The following NRXN3 variants were observed in gnomAD, a reference collection of about 807,000 sequenced individuals.
NRXN3 encodes neurexin III.
A neutral mutation model predicts 137.6 loss-of-function variants in NRXN3; 32 were observed. That is an observed-to-expected ratio of 0.23 (90% CI 0.18 to 0.31). The LOEUF (loss-of-function observed/expected upper bound fraction) is 0.31. Ranked by LOEUF, NRXN3 falls within the 10% of genes least tolerant of loss-of-function variation. The probability of loss-of-function intolerance (pLI) is 1.00; values close to 1 mark genes in which losing one functional copy is unlikely to be tolerated. For missense variants in NRXN3, 1,574 were observed against 2,062.5 expected, an observed-to-expected ratio of 0.76 and a Z score of 4.59; for synonymous variants, 798 against 784.5, an observed-to-expected ratio of 1.02 and a Z score of -0.29.
chr14:79,348,109 TCCATCATTGTTAACAGAG>T, intron 15 of NRXN3, among the ~76,000 whole-genome samples: 1 of 152,158 alleles, frequency 6.6e-6, no homozygotes, highest in East Asian at 1.9e-4. Context: ...CCGCAGTATT[TCCATCATTGTTAACAGAG>T]CCACAAGTTT....
intron 4 of NRXN3, among the ~76,000 whole-genome samples, chr14:78,624,829 G>GTGTTTGTT (rs1555404275): frequency 2.7e-5 from 4 of 146,992 alleles, no homozygotes; most frequent in African/African-American, 1.0e-4. Flanking sequence ...GTGTGTGTGT[G>GTGTTTGTT]TGTTTGTTTG....
intron 1 of NRXN3, among the ~76,000 whole-genome samples, chr14:78,189,861 A>G (rs568101419): frequency 4.6e-5 from 7 of 152,162 alleles, no homozygotes; most frequent in Non-Finnish European, 8.8e-5. Flanking sequence ...AGGTCTGTGC[A>G]TAGATGAGCC....
At chr14:78,482,963 G>T (rs1335173456) in intron 4 of NRXN3, among the ~76,000 whole-genome samples, 1 of 152,126 alleles carries the variant, frequency 6.6e-6, no homozygotes, top group African/African-American at 2.4e-5. Flanking sequence ...TCTTTGATGT[G>T]TTCTAGTACC....
chr14:79,326,427 G>GA (rs2090885021), intron 15 of NRXN3, among the ~76,000 whole-genome samples: 1 of 152,280 alleles, frequency 6.6e-6, no homozygotes, highest in African/African-American at 2.4e-5. Flanking sequence ...AGCAAGGCTA[G>GA]AAAAATTGGT....
chr14:78,666,674 C>G (rs770018034), intron 6 of NRXN3, among the ~76,000 whole-genome samples: 11 of 152,154 alleles, frequency 7.2e-5, no homozygotes, highest in Non-Finnish European at 1.5e-4. Flanking sequence ...TCATCTCTGT[C>G]CTCTGCTTCC....
chr14:79,358,603 GAAAGAGAAAGAAAGAAAGAAAGAA>G (rs2093535755), intron 15 of NRXN3, among the ~76,000 whole-genome samples: 3 of 87,090 alleles, frequency 3.4e-5, no homozygotes, highest in East Asian at 7.7e-4. Context: ...AAGAAAGAAA[GAAAGAGAAAGAAAGAAAGAAAGAA>G]AGAAAGAAAG....
intron 10 of NRXN3, among the ~76,000 whole-genome samples, chr14:78,951,939 A>G (rs1384264550): frequency 2.0e-5 from 3 of 152,306 alleles, no homozygotes; most frequent in African/African-American, 7.2e-5. Flanking sequence ...GGCAGTCTCA[A>G]TGGTATGTTT....
At chr14:79,858,881 A>C (rs955132533) in intron 20 of NRXN3, among the ~76,000 whole-genome samples, 9 of 152,052 alleles carry the variant, frequency 5.9e-5, no homozygotes, top group African/African-American at 2.2e-4. Flanking sequence ...CCTTTAGGGA[A>C]CTGCACTCCA....
intron 4 of NRXN3, among the ~76,000 whole-genome samples, chr14:78,610,061 G>C (rs1340511045): frequency 6.6e-6 from 1 of 151,864 alleles, no homozygotes; most frequent in Non-Finnish European, 1.5e-5. Flanking sequence ...AGAGGAGAGA[G>C]AGAAAGAAAG....
intron 16 of NRXN3, among the ~76,000 whole-genome samples, chr14:79,495,529 T>C (rs979525661): frequency 6.6e-6 from 1 of 152,166 alleles, no homozygotes; most frequent in Non-Finnish European, 1.5e-5. Context: ...TGTTAAAGTA[T>C]GTAAATTCAG....
rs10701078 is a variant in NRXN3 at position 78,778,758 on chromosome 14, C to CTCTTTCTTTCTT, written c.2045-24808_2045-24797dup. Among the ~76,000 whole-genome samples, 642 of 97,178 alleles carry CTCTTTCTTTCTT rather than the reference C, an allele frequency of 6.6e-3. 5 individuals carry two copies. The highest frequency in any genetic ancestry group is 7.3e-3 in the East Asian group (24 of 3,306). 63.8% of individuals were successfully genotyped at this position (97,178 alleles called of 152,430 possible). A position where few individuals can be genotyped will look rare whatever the true frequency, so the allele number is the denominator to read the frequency against. ...TCTCTCTTTCTTTCTTTCCTTCTTT[C>CTCTTTCTTTCTT]TCTTTCTTTCTTTCTTTCTTTCTTT... On this transcript the variant is annotated intron_variant, in intron 8 of 20. Coordinates refer to ENST00000335750, the MANE Select transcript of NRXN3 (RefSeq NM_001330195.2).
At chr14:79,617,607 C>T (rs2098171192) in intron 16 of NRXN3, among the ~76,000 whole-genome samples, 1 of 152,120 alleles carries the variant, frequency 6.6e-6, no homozygotes, top group African/African-American at 2.4e-5. Context: ...ATTCTAATCT[C>T]ACGTCTTTCT....
intron 15 of NRXN3, among the ~76,000 whole-genome samples, chr14:79,156,976 A>G (rs916238272): frequency 6.6e-6 from 1 of 151,814 alleles, no homozygotes; most frequent in African/African-American, 2.4e-5. Flanking sequence ...AGTTGTGACA[A>G]TAAAAGGTAT....
intron 3 of NRXN3, among the ~76,000 whole-genome samples, chr14:78,294,737 A>G (rs2076151779): frequency 6.6e-6 from 1 of 152,196 alleles, no homozygotes; most frequent in Admixed American, 6.5e-5. Context: ...AGTAGCACAG[A>G]TGGAAATCAA....
intron 15 of NRXN3, among the ~76,000 whole-genome samples, chr14:79,063,305 T>A (rs2099676544): frequency 6.6e-6 from 1 of 152,106 alleles, no homozygotes; most frequent in East Asian, 1.9e-4. Flanking sequence ...GTTTTTGAGA[T>A]GGAGTCTCGC....
intron 4 of NRXN3, among the ~76,000 whole-genome samples, chr14:78,372,796 A>G (rs2087108739): frequency 6.6e-6 from 1 of 152,202 alleles, no homozygotes; most frequent in Admixed American, 6.5e-5. Flanking sequence ...GTAGGGTTCA[A>G]ATATTCATTT....
At chr14:78,547,153 G>T (rs191878826) in intron 4 of NRXN3, among the ~76,000 whole-genome samples, 1 of 151,778 alleles carries the variant, frequency 6.6e-6, no homozygotes, top group Admixed American at 6.6e-5. Flanking sequence ...GATGATCATG[G>T]TCGTATAATG....
intron 4 of NRXN3, among the ~76,000 whole-genome samples, chr14:78,313,442 C>T (rs903894156): frequency 6.6e-6 from 1 of 152,002 alleles, no homozygotes; most frequent in African/African-American, 2.4e-5. Context: ...AAATAATCCT[C>T]CAGTTTCCCT....
chr14:78,893,661 A>G (rs539965072), intron 10 of NRXN3, among the ~76,000 whole-genome samples: 1 of 151,976 alleles, frequency 6.6e-6, no homozygotes, highest in East Asian at 1.9e-4. Flanking sequence ...AGCATGTCTC[A>G]TCTAACACTC....
Sources: allele counts gnomAD v4.1 joint callset (sites outside exome capture counted in the v4.1 genomes callset), GRCh38; gene constraint gnomAD v4.1.1; transcripts MANE v1.5; gene names NCBI Gene and HGNC (gene_info 2026-07-23, HGNC 2026-07-21).